Variants in QRICH1 observed in about 807,000 individuals in gnomAD.
QRICH1 encodes the protein glutamine rich 1, also known as transcriptional regulator QRICH1.
Under a neutral mutation model 87.1 loss-of-function variants are expected in QRICH1, and 16 were observed. The ratio of observed to expected loss-of-function variants is 0.18; its 90% CI spans 0.12 to 0.28. The LOEUF (loss-of-function observed/expected upper bound fraction) is 0.28, where lower values mean the gene tolerates loss of function less well. Ranked by LOEUF, QRICH1 falls within the 10% of genes least tolerant of loss-of-function variation. The pLI is 1.00. For synonymous variants in QRICH1, 367 were observed against 368.4 expected (o/e 1.00, Z 0.05); for missense variants, 647 against 951.7 (o/e 0.68, Z 4.21).
chr3:49,033,066 C>T (rs4974081), intron 7 of QRICH1, 54 bp downstream of exon 7: 1,039,374 of 1,312,620 alleles, frequency 0.79, 414,433 homozygotes, highest in East Asian at 1. Context: ...TCTTGGATAG[C>T]TTCCACACTC....
chr3:49,057,185 C>A lies in QRICH1; in HGVS notation c.1015G>T (p.Ala339Ser). 6.2e-7 allele frequency: 1 copy of A among 1,614,210 alleles called. No individual in the cohort carries two copies. The highest frequency in any genetic ancestry group is 8.5e-7 in the Non-Finnish European group (1 of 1,180,050). The change falls in exon 3 of 10, where the codon GCA becomes TCA. Residue 339 changes from alanine to serine, a missense_variant. Ala to Ser is a moderately conservative substitution (Grantham distance 99). This residue lies in a region of QRICH1 where 115 missense variants were observed against 126.8 expected (regional missense o/e 0.91). Coordinates refer to ENST00000395443, the MANE Select transcript of QRICH1 (RefSeq NM_198880.3). This position sits in a 1 kb window ranked among gnomAD's most constrained non-coding sequence, Gnocchi z 5.4. ...GTGGGTGAGCCACTGACGTGAACTG[C>A]GTTGTAGGCTTCCTGGGGAATGGCA... is the stretch of plus-strand genomic sequence containing the variant. ...HIAIPQEAYNAVHVSGSPTAL... is the reference protein window; with the variant it reads ...HIAIPQEAYNSVHVSGSPTAL...
chr3:49,049,304 G>T (rs1159223301), intron 3 of QRICH1, among the ~76,000 whole-genome samples: 1 of 151,530 alleles, frequency 6.6e-6, no homozygotes, highest in Non-Finnish European at 1.5e-5. Context: ...AATTAGCCAG[G>T]CATAGTGGCT....
intron 1 of QRICH1, among the ~76,000 whole-genome samples, chr3:49,088,424 T>G (rs1223906444): frequency 1.3e-5 from 2 of 151,942 alleles, no homozygotes; most frequent in African/African-American, 4.8e-5. Context: ...GCCTCCCTAG[T>G]AGCTTGAACT....
chr3:49,044,690 T>C lies in QRICH1; in HGVS notation c.1672-186A>G, dbSNP rs532940498. Among the ~76,000 whole-genome samples, 5 of 152,242 alleles carry C rather than the reference T, an allele frequency of 3.3e-5. No homozygotes were observed. The South Asian group carries it at 8.3e-4, about 25-fold the overall frequency. ...CTCATGTGACTGATTCTCATGACAT[T>C]CTTGAGAGTTGGGTAAATAAGGCAG... On this transcript the variant is annotated intron_variant, in intron 5 of 9. Transcript: ENST00000395443.
At position 49,052,598 on chromosome 3, in the gene QRICH1, C is replaced by T. The variant is rs569109922; in HGVS notation, c.1338+4264G>A. On this transcript the variant is annotated intron_variant, in intron 3 of 9. Coordinates refer to ENST00000395443, the MANE Select transcript of QRICH1 (RefSeq NM_198880.3). ...TCGGCTCACTGCAACCTCCACCTCC[C>T]AGGTTCAGGCAATTCTGTGCCTCAG... Among the ~76,000 whole-genome samples, 64 of 152,322 alleles carry T rather than the reference C, an allele frequency of 4.2e-4. 1 individual carries two copies. The highest frequency in any genetic ancestry group is 6.8e-3 in the Middle Eastern group (2 of 294).
intron 6 of QRICH1, among the ~76,000 whole-genome samples, chr3:49,041,143 T>C (rs2093307463): frequency 6.6e-6 from 1 of 151,678 alleles, no homozygotes; most frequent in Non-Finnish European, 1.5e-5. Context: ...AATTTTTGTA[T>C]TTTTTTTAGT....
intron 6 of QRICH1, among the ~76,000 whole-genome samples, chr3:49,035,850 G>A (rs1455039128): frequency 1.3e-5 from 2 of 151,038 alleles, no homozygotes; most frequent in Non-Finnish European, 2.9e-5. Flanking sequence ...CAAGGCAGGT[G>A]GATCACTGGA....
intron 6 of QRICH1, among the ~76,000 whole-genome samples, chr3:49,041,984 G>C (rs2093312982): frequency 6.6e-6 from 1 of 151,804 alleles, no homozygotes; most frequent in Admixed American, 6.6e-5. Context: ...TGTTGGCCAG[G>C]CTGGTGTCGG....
intron 2 of QRICH1, among the ~76,000 whole-genome samples, chr3:49,074,716 T>A (rs1473113791): frequency 6.6e-6 from 1 of 151,446 alleles, no homozygotes; most frequent in Non-Finnish European, 1.5e-5. Context: ...CAGTGGCTCA[T>A]GCCTGTAATC....
intron 2 of QRICH1, among the ~76,000 whole-genome samples, chr3:49,062,442 C>T (rs1292687932): frequency 1.4e-5 from 2 of 145,868 alleles, no homozygotes; most frequent in Non-Finnish European, 3.0e-5. Context: ...CTTACTGCAA[C>T]CTCCGCCTCC....
intron 6 of QRICH1, among the ~76,000 whole-genome samples, chr3:49,039,596 A>T (rs1362899776): frequency 3.6e-5 from 5 of 137,232 alleles, no homozygotes; most frequent in Non-Finnish European, 7.9e-5. Flanking sequence ...ACTCCAGCCT[A>T]GGCAACACAG....
chr3:49,054,286 G>C (rs1316717593), intron 3 of QRICH1, among the ~76,000 whole-genome samples: 2 of 152,112 alleles, frequency 1.3e-5, no homozygotes, highest in Non-Finnish European at 2.9e-5. Context: ...AGGCCTAATG[G>C]GCTCCATCTC....
chr3:49,043,143 T>C (rs1281892720), intron 6 of QRICH1, among the ~76,000 whole-genome samples: 1 of 152,150 alleles, frequency 6.6e-6, no homozygotes, highest in African/African-American at 2.4e-5. Flanking sequence ...TAAGGAGTTA[T>C]ATGGAAATTC....
chr3:49,078,919 T>C (rs2042004644), intron 1 of QRICH1, among the ~76,000 whole-genome samples: 1 of 151,726 alleles, frequency 6.6e-6, no homozygotes, highest in Non-Finnish European at 1.5e-5. Context: ...CTCAAACTCC[T>C]GACTTCAGGT....
chr3:49,062,280 C>A (rs934450623), intron 2 of QRICH1, among the ~76,000 whole-genome samples: 2 of 151,454 alleles, frequency 1.3e-5, no homozygotes, highest in Non-Finnish European at 1.5e-5. Context: ...AGCTAGTGAG[C>A]CGAGATGGCG....
In QRICH1 at chr3:49,057,773, C is replaced by T. The variant is rs374919403; in HGVS notation, c.427G>A (p.Ala143Thr). The change falls in exon 3 of 10, where the codon GCA becomes ACA. Residue 143 changes from alanine to threonine, a missense_variant. Transcript: ENST00000395443. This position sits in a 1 kb window ranked among gnomAD's most constrained non-coding sequence, Gnocchi z 5.4. ...ATGGAGGGGGCTGCTGACTGTGGTG[C>T]CTGGCCTTGGATCTGCACCTGGACC... is the stretch of plus-strand genomic sequence containing the variant. ...IQVQVQIQGQ[A>T]PQSAAPSIQT... The T allele has an allele frequency of 1.2e-4, 196 of 1,614,014 alleles. No homozygotes were observed. The highest frequency in any genetic ancestry group is 1.6e-4 in the Non-Finnish European group (190 of 1,180,032).
Position 49,056,908 on chromosome 3 carries a change from G to C in QRICH1, c.1292C>G (p.Thr431Arg), listed in dbSNP as rs752952099. 2 of 1,613,966 alleles carry C rather than the reference G, an allele frequency of 1.2e-6. No homozygotes were observed. Among genetic ancestry groups the C allele is most frequent in the Non-Finnish European group, 1.7e-6 (2 of 1,179,978 alleles). ...CTGCTGCTGCTGCTGTGGTGGTGGTGTCTGTTCCTGGGGAGTTTGCTGCTG... is the reference window on the plus strand; with the variant it reads ...CTGCTGCTGCTGCTGTGGTGGTGGTCTCTGTTCCTGGGGAGTTTGCTGCTG... ...QPQQQTPQEQ[T>R]PPPQQQQQQL... The change falls in exon 3 of 10, where the codon ACA becomes AGA. Residue 431 changes from threonine (T) to arginine (R), a missense_variant. Thr to Arg is a moderately conservative substitution (Grantham distance 71). Transcript: ENST00000395443.
intron 6 of QRICH1, among the ~76,000 whole-genome samples, chr3:49,037,175 AATGGATTCAGACATT>A (rs2093280807): frequency 1.3e-5 from 2 of 152,122 alleles, no homozygotes; most frequent in African/African-American, 4.8e-5. Flanking sequence ...ATAAAGAATC[AATGGATTCAGACATT>A]ATGGGCACTG....
intron 2 of QRICH1, among the ~76,000 whole-genome samples, chr3:49,071,442 TGGGTGGCTCAGCTGA>T (rs2093500029): frequency 6.6e-6 from 1 of 151,922 alleles, no homozygotes; most frequent in South Asian, 2.1e-4. Context: ...ACCCACAAAG[TGGGTGGCTCAGCTGA>T]ACTCAGGAGT....
Sources: gnomAD v4.1 joint callset for allele counts (sites outside exome capture counted in the v4.1 genomes callset) on GRCh38, gnomAD v4.1.1 for gene constraint, gnomAD v4.1.1 regional missense constraint, Gnocchi (gnomAD v3.1) non-coding constraint, MANE v1.5 for transcripts, NCBI Gene and HGNC (gene_info 2026-07-23, HGNC 2026-07-21) for gene names.